GSTM2: variants seen among roughly 807,000 people sequenced by gnomAD.
GSTM2 encodes GST class-mu 2.
In GSTM2, 33 loss-of-function variants were observed where a neutral mutation model predicts 33.3. That is an observed-to-expected ratio of 0.99 (90% CI 0.75 to 1.33). GSTM2 has a LOEUF of 1.33. GSTM2 is among the 40% of genes most tolerant of loss of function. The pLI, the probability that GSTM2 is intolerant of heterozygous loss-of-function variation, is 0.00. For missense variants in GSTM2, 213 were observed against 265.8 expected, an observed-to-expected ratio of 0.80 and a Z score of 1.38; for synonymous variants, 93 against 95.6, an observed-to-expected ratio of 0.97 and a Z score of 0.16.
At chr1:109,679,431 A>G, downstream of GSTM2, among the ~76,000 whole-genome samples, 1 of 152,224 alleles carries the variant, frequency 6.6e-6, no homozygotes, top group East Asian at 1.9e-4. Context: ...AGATCGTGCC[A>G]TTGCACACTG....
rs1157452387 is a variant in GSTM2, at chr1:109,682,783, A to G, written c.567+11200A>G. 2.4e-5 allele frequency among the ~76,000 whole-genome samples: 3 copies of G among 124,998 alleles called. 1 individual carries two copies. The highest frequency in any genetic ancestry group is 5.9e-5 in the Non-Finnish European group (3 of 50,536). 82.0% of individuals were successfully genotyped at this position (124,998 alleles called of 152,430 possible). ...TTTTCTTCTTTTCAGATTGAAGAAAAGATTCTTTATATTTCAGATTTCCTA... is the reference window on the plus strand; with the variant it reads ...TTTTCTTCTTTTCAGATTGAAGAAAGGATTCTTTATATTTCAGATTTCCTA... On this transcript the variant is annotated intron_variant, in intron 7 of 7. Transcript: ENST00000369831.
chr1:109,672,741 C>T (rs1647592498), intron 7 of GSTM2, among the ~76,000 whole-genome samples: 1 of 152,336 alleles, frequency 6.6e-6, no homozygotes, highest in East Asian at 1.9e-4. Flanking sequence ...TATGATTGAA[C>T]CCCCATGTGG....
chr1:109,679,702 T>C (rs1262543146), downstream of GSTM2, among the ~76,000 whole-genome samples: 1 of 152,184 alleles, frequency 6.6e-6, no homozygotes, highest in Non-Finnish European at 1.5e-5. Flanking sequence ...AGGCACAATG[T>C]AATTAATTGT....
downstream of GSTM2, among the ~76,000 whole-genome samples, chr1:109,679,110 G>T (rs1214388438): frequency 1.3e-5 from 2 of 151,750 alleles, no homozygotes; most frequent in African/African-American, 2.4e-5. Context: ...GGATCATTCT[G>T]CACTATTTTA....
Position 109,674,307 on chromosome 1 carries a change from G to T in GSTM2, c.568-440G>T, listed in dbSNP as rs34478032. Among the ~76,000 whole-genome samples, 710 of 149,556 alleles carry T rather than the reference G, an allele frequency of 4.7e-3. 22 individuals carry two copies. The highest frequency in any genetic ancestry group is 0.016 in the African/African-American group (638 of 39,112). On this transcript the variant is annotated intron_variant, in intron 7 of 7. Coordinates refer to ENST00000241337, the MANE Select transcript of GSTM2 (RefSeq NM_000848.4). Reference sequence around the variant, plus strand: ...TGGGGCAGAAGAAGAAGAGAATTTGGCAGAAAGAGGCCAGAACTGGAGAGA... The same window carrying T: ...TGGGGCAGAAGAAGAAGAGAATTTGTCAGAAAGAGGCCAGAACTGGAGAGA...
chr1:109,678,816 T>C (rs1335860470), downstream of GSTM2, among the ~76,000 whole-genome samples: 2 of 152,088 alleles, frequency 1.3e-5, no homozygotes, highest in African/African-American at 2.4e-5. Context: ...TGCCTACTTC[T>C]AATATTGATG....
chr1:109,672,581 G>T (rs559732671), intron 7 of GSTM2, among the ~76,000 whole-genome samples: 68 of 152,342 alleles, frequency 4.5e-4, no homozygotes, highest in African/African-American at 1.4e-3. Flanking sequence ...GCCTTGTCCA[G>T]CCTGGGTTTC....
chr1:109,668,710 C>T (rs1019302759), intron 2 of GSTM2: 1 of 795,546 alleles, frequency 1.3e-6, no homozygotes, highest in Admixed American at 2.2e-5. Context: ...ATGGGTGTCC[C>T]TCAGGGCTTG....
chr1:109,668,569 C>A, intron 2 of GSTM2, 69 bp downstream of exon 2: 1 of 1,546,672 alleles, frequency 6.5e-7, no homozygotes, highest in Non-Finnish European at 8.9e-7. Flanking sequence ...CGATAGTGGC[C>A]ACCTGTGGCT....
rs764986403 is a variant in GSTM2 at position 109,668,122 on chromosome 1, A to C, written c.7A>C (p.Met3Leu). The C allele has an allele frequency of 6.2e-7, 1 of 1,612,784 alleles. No homozygotes were observed. Among genetic ancestry groups the C allele is most frequent in the South Asian group, 1.1e-5 (1 of 91,056 alleles). The part of the protein sequence containing the change: MP[M>L]TLGYWNIRGL... ...ATCCACAGCAACCAGCACCATGCCCATGACACTGGGGTACTGGAACATCCG... is the reference window on the plus strand; with the variant it reads ...ATCCACAGCAACCAGCACCATGCCCCTGACACTGGGGTACTGGAACATCCG... Residue 3 changes from methionine to leucine, a missense_variant, in exon 1 of 8, where the codon ATG becomes CTG. Coordinates refer to ENST00000241337, the MANE Select transcript of GSTM2 (RefSeq NM_000848.4).
rs984176299 is a variant in GSTM2, at chr1:109,674,680, A to G, written c.568-67A>G. On this transcript the variant is annotated intron_variant, in intron 7 of 7. Transcript: ENST00000241337. The stretch of plus-strand genomic sequence containing the variant: ...CAGGGCCCTGACCTGCTGTGTCTGC[A>G]GTGGGGTTGTGCCAGCCCTCATGGG... 4.3e-6 allele frequency: 7 copies of G among 1,610,684 alleles called. No homozygotes were observed. In the East Asian group the frequency reaches 1.3e-4, roughly 31 times the overall value.
chr1:109,680,602 G>A (rs3890866), intron 7 of GSTM2, among the ~76,000 whole-genome samples: 31,553 of 85,152 alleles, frequency 0.37, 7,533 homozygotes, highest in Non-Finnish European at 0.51. Flanking sequence ...AGGGGGCTGC[G>A]TCTGGTGACT....
chr1:109,670,849 T>A (rs1445596151), intron 5 of GSTM2: 3 of 157,586 alleles, frequency 1.9e-5, no homozygotes, highest in Admixed American at 1.8e-4. Flanking sequence ...CCTCTGAATA[T>A]CTCCTCATCT....
At chr1:109,668,602 G>A in intron 2 of GSTM2, 102 bp downstream of exon 2, 1 of 1,299,370 alleles carries the variant, frequency 7.7e-7, no homozygotes, top group Non-Finnish European at 1.1e-6. Context: ...CTCCCTTGCT[G>A]GAACTGCAGG....
At chr1:109,669,764 A>T (rs1647464778) in intron 5 of GSTM2, 193 bp downstream of exon 5, 1 of 575,506 alleles carries the variant, frequency 1.7e-6, no homozygotes, top group Non-Finnish European at 3.1e-6. Flanking sequence ...GTTCCTTCAG[A>T]TGTTCAGATG....
At chr1:109,671,134 G>A (rs1647528507) in intron 5 of GSTM2, 153 bp from the exon 6 acceptor site, 1 of 649,414 alleles carries the variant, frequency 1.5e-6, no homozygotes. Flanking sequence ...AAATGCTGAT[G>A]TATCCAGCTG....
intron 7 of GSTM2, among the ~76,000 whole-genome samples, chr1:109,672,339 G>C (rs1222234155): frequency 2.0e-5 from 3 of 152,010 alleles, no homozygotes; most frequent in Non-Finnish European, 4.4e-5. Context: ...TTCATGCCAC[G>C]AACTGTACCC....
intron 7 of GSTM2, among the ~76,000 whole-genome samples, chr1:109,682,450 CA>C (rs1447438999): frequency 1.3e-5 from 1 of 74,456 alleles, no homozygotes; most frequent in African/African-American, 3.8e-5. Flanking sequence ...CCATGTTAGC[CA>C]GGATGGTCTT....
At chr1:109,668,690 G>T in intron 2 of GSTM2, 190 bp downstream of exon 2, 1 of 814,752 alleles carries the variant, frequency 1.2e-6, no homozygotes, top group Admixed American at 2.2e-5. Context: ...CCCCCGTCTG[G>T]GTAATTATGA....
Sources: gnomAD v4.1 joint callset for allele counts (sites outside exome capture counted in the v4.1 genomes callset) on GRCh38, gnomAD v4.1.1 for gene constraint, MANE v1.5 for transcripts, NCBI Gene and HGNC (gene_info 2026-07-23, HGNC 2026-07-21) for gene names.